The following HEATR5A variants were observed in gnomAD, a reference collection of about 807,000 sequenced individuals.
HEATR5A encodes HEAT repeat-containing protein 5A.
Under a neutral mutation model 218.8 loss-of-function variants are expected in HEATR5A, and 178 were observed. That is an observed-to-expected ratio of 0.81 (90% CI 0.72 to 0.92). HEATR5A has a LOEUF of 0.92. HEATR5A is among the 40% of genes least tolerant of loss of function. HEATR5A has a pLI of 0.00. For missense variants in HEATR5A, 2,420 were observed against 2,418.9 expected (o/e 1.00, Z -0.01); for synonymous variants, 864 against 871.6 (o/e 0.99, Z 0.15).
At chr14:31,334,923 G>A (rs141480057) in intron 22 of HEATR5A, among the ~76,000 whole-genome samples, 4,690 of 142,918 alleles carry the variant, frequency 0.033, 247 homozygotes, top group African/African-American at 0.11. Context: ...TTCAGCCTGG[G>A]TGACAGAGCA....
chr14:31,381,657 G>A lies in HEATR5A; in HGVS notation c.1597-1079C>T, dbSNP rs112024968. Among the ~76,000 whole-genome samples the A allele has an allele frequency of 3.0e-3, 461 of 151,722 alleles. 1 individual carries two copies. Among genetic ancestry groups the A allele is most frequent in the Middle Eastern group, 0.01 (3 of 292 alleles). ...AGAATTAGCCAGGCAATGGAATTAC[G>A]TGCCTGTAGTTTCAGCCACTTGGGA... is the stretch of plus-strand genomic sequence containing the variant. On this transcript the variant is annotated intron_variant, in intron 10 of 35. Transcript: ENST00000543095.
At chr14:31,380,603 A>T (rs1238479818) in intron 10 of HEATR5A, 25 bp from the exon 11 acceptor site, 15 of 1,427,376 alleles carry the variant, frequency 1.1e-5, no homozygotes, top group Admixed American at 2.0e-5. Context: ...AACAAGTTTT[A>T]AAAAAAGCAT....
chr14:31,319,222 G>A (rs935937082), intron 25 of HEATR5A, among the ~76,000 whole-genome samples: 1 of 151,692 alleles, frequency 6.6e-6, no homozygotes, highest in East Asian at 1.9e-4. Context: ...GCATGATCTC[G>A]GCTCACTGCA....
intron 22 of HEATR5A, among the ~76,000 whole-genome samples, chr14:31,331,795 A>G (rs1900481826): frequency 6.6e-6 from 1 of 152,134 alleles, no homozygotes; most frequent in African/African-American, 2.4e-5. Context: ...AGTGTGTGTG[A>G]AGGAACTGAA....
In HEATR5A at chr14:31,321,664, C is replaced by T. The variant is rs754108625; in HGVS notation, c.3804G>A (p.Leu1268=). ...CCATGCGAATTAAGTCAGCAAGATG[C>T]AGTACCAAAAAGTCATCTATAAGAT... is the stretch of plus-strand genomic sequence containing the variant. ...KRDSRNDFLV[L]HLADLIRMAF... is the part of the protein sequence containing the mutation. The change falls in exon 25 of 36, where the codon CTG becomes CTA. Residue 1268 remains leucine, a synonymous_variant. Transcript: ENST00000543095. 1.9e-6 allele frequency: 3 copies of T among 1,596,860 alleles called. No individual in the cohort carries two copies. The highest frequency in any genetic ancestry group is 2.2e-5 in the East Asian group (1 of 44,506).
In HEATR5A at chr14:31,417,996, T is replaced by A. The variant is rs572246475; in HGVS notation, c.-75+2476A>T. On this transcript the variant is annotated intron_variant, in intron 1 of 35. Transcript: ENST00000543095. ...GCCGAGGCGGGCGGATCACCTGAGA[T>A]CAGGAGTTGGAGACCAGCTTGGCCA... is the stretch of plus-strand genomic sequence containing the variant. 7.9e-5 allele frequency among the ~76,000 whole-genome samples: 12 copies of A among 152,038 alleles called. 1 individual carries two copies. In the East Asian group the frequency reaches 1.9e-3, roughly 25 times the overall value.
intron 14 of HEATR5A, among the ~76,000 whole-genome samples, chr14:31,359,420 A>C (rs894965546): frequency 6.6e-6 from 1 of 152,082 alleles, no homozygotes; most frequent in Non-Finnish European, 1.5e-5. Context: ...GCACAGTCTG[A>C]AAAAATGTAT....
intron 27 of HEATR5A, among the ~76,000 whole-genome samples, chr14:31,313,717 G>A (rs1377811888): frequency 6.6e-6 from 1 of 152,068 alleles, no homozygotes; most frequent in East Asian, 1.9e-4. Context: ...TAAGTTTTTG[G>A]CAAACTAATC....
chr14:31,345,962 C>T (rs1025938815), intron 19 of HEATR5A, among the ~76,000 whole-genome samples: 5 of 152,130 alleles, frequency 3.3e-5, no homozygotes, highest in Non-Finnish European at 5.9e-5. Flanking sequence ...TGGTCATATA[C>T]TGATAACCAC....
chr14:31,371,307 A>G (rs1163355380), intron 13 of HEATR5A, among the ~76,000 whole-genome samples: 1 of 152,218 alleles, frequency 6.6e-6, no homozygotes, highest in Non-Finnish European at 1.5e-5. Flanking sequence ...GCCATATCTT[A>G]AATGTATTTT....
intron 10 of HEATR5A, among the ~76,000 whole-genome samples, chr14:31,382,375 G>A (rs533858766): frequency 6.6e-6 from 1 of 152,274 alleles, no homozygotes; most frequent in South Asian, 2.1e-4. Context: ...CCTACACTAT[G>A]GTGGATATAC....
At chr14:31,362,820 A>G (rs1420583844) in intron 14 of HEATR5A, among the ~76,000 whole-genome samples, 1 of 151,604 alleles carries the variant, frequency 6.6e-6, no homozygotes, top group African/African-American at 2.4e-5. Flanking sequence ...TTATCAGAAG[A>G]TACACTGTAG....
At chr14:31,386,205 G>C (rs2030212485) in intron 9 of HEATR5A, among the ~76,000 whole-genome samples, 1 of 152,098 alleles carries the variant, frequency 6.6e-6, no homozygotes, top group Non-Finnish European at 1.5e-5. Context: ...GTCTCTAAAT[G>C]GGGGGTAGGG....
intron 16 of HEATR5A, among the ~76,000 whole-genome samples, chr14:31,357,910 T>G (rs536524673): frequency 6.6e-6 from 1 of 152,136 alleles, no homozygotes; most frequent in African/African-American, 2.4e-5. Context: ...CTGGTACTGG[T>G]CCACGGCCTG....
chr14:31,380,706 T>C (rs2029943839), intron 10 of HEATR5A, 128 bp from the exon 11 acceptor site: 2 of 662,944 alleles, frequency 3.0e-6, no homozygotes, highest in Non-Finnish European at 5.2e-6. Flanking sequence ...AGAACTGTCA[T>C]TCGTGTAGAC....
chr14:31,351,504 GAAAGA>G (rs1257624648), intron 16 of HEATR5A, among the ~76,000 whole-genome samples: 3 of 88,116 alleles, frequency 3.4e-5, no homozygotes, highest in Non-Finnish European at 5.0e-5. Flanking sequence ...GAGAAAGAAA[GAAAGA>G]AAAAAAAAAA....
At chr14:31,318,905 G>C (rs1230430980) in intron 25 of HEATR5A, among the ~76,000 whole-genome samples, 1 of 152,176 alleles carries the variant, frequency 6.6e-6, no homozygotes, top group Non-Finnish European at 1.5e-5. Flanking sequence ...TGGGAAAGAA[G>C]CACTGTATCT....
intron 11 of HEATR5A, 71 bp from the exon 12 acceptor site, chr14:31,375,039 C>T (rs1421437449): frequency 8.1e-7 from 1 of 1,231,736 alleles, no homozygotes; most frequent in Admixed American, 2.8e-5. Context: ...TATTATTAAG[C>T]AGCAACTTCT....
chr14:31,326,342 T>C lies in HEATR5A; in HGVS notation c.3368A>G (p.Asp1123Gly), dbSNP rs750640062. 76 of 1,605,602 alleles carry C rather than the reference T, an allele frequency of 4.7e-5. No individual in the cohort carries two copies. The highest frequency in any genetic ancestry group is 1.3e-5 in the African/African-American group (1 of 74,400). ...AAGGCCAACTTCTCTGATGTTAGCA[T>C]CTGACAAGAAGAAAATCAATTATCT... ...AKDSREELTP[D>G]ANIREVGLEG... The change falls in exon 23 of 36, where the codon GAT (aspartate) becomes GGT (glycine). Residue 1123 changes from aspartate (D) to glycine (G), a missense_variant and splice_region_variant. By Grantham distance (94) the Asp-to-Gly change is moderately conservative. Coordinates refer to ENST00000543095, the MANE Select transcript of HEATR5A (RefSeq NM_015473.4).
Sources: gnomAD v4.1 joint callset for allele counts (sites outside exome capture counted in the v4.1 genomes callset) on GRCh38, gnomAD v4.1.1 for gene constraint, MANE v1.5 for transcripts, NCBI Gene and HGNC (gene_info 2026-07-23, HGNC 2026-07-21) for gene names.